The following THSD7B variants were observed in gnomAD, a reference collection of about 807,000 sequenced individuals.
THSD7B encodes the protein thrombospondin type-1 domain-containing protein 7B.
THSD7B carries 138 observed loss-of-function variants against 213.6 expected under a neutral mutation model. The observed-to-expected ratio is 0.65, with a 90% CI of 0.56 to 0.74. The LOEUF (loss-of-function observed/expected upper bound fraction) is 0.74. THSD7B is among the 30% of genes least tolerant of loss of function. The pLI, the probability that THSD7B is intolerant of heterozygous loss-of-function variation, is 0.00. For synonymous variants in THSD7B, 742 were observed against 687.0 expected (o/e 1.08, Z -1.25); for missense variants, 1,931 against 1,991.5 (o/e 0.97, Z 0.58).
chr2:137,108,701 T>G (rs1688297206), intron 4 of THSD7B, among the ~76,000 whole-genome samples: 1 of 152,228 alleles, frequency 6.6e-6, no homozygotes, highest in Non-Finnish European at 1.5e-5. Flanking sequence ...CTTTTGAGAA[T>G]GATAACATAT....
chr2:137,666,695 A>G (rs1003976548), intron 26 of THSD7B, among the ~76,000 whole-genome samples: 8 of 152,102 alleles, frequency 5.3e-5, no homozygotes, highest in African/African-American at 1.9e-4. Context: ...TGTCAGTCCA[A>G]TTCTAAGTTT....
In THSD7B at chr2:137,337,014, G is replaced by A. The variant is rs181059320; in HGVS notation, c.2500+60988G>A. 2.6e-4 allele frequency among the ~76,000 whole-genome samples: 40 copies of A among 151,610 alleles called. No homozygotes were observed. In the East Asian group the frequency reaches 7.6e-3, roughly 29 times the overall value. ...GATTCCTTGTATGCCACCTTTCCCTGTTGTTAACATCTTATGTGAGAATAA... is the reference window on the plus strand; with the variant it reads ...GATTCCTTGTATGCCACCTTTCCCTATTGTTAACATCTTATGTGAGAATAA... On this transcript the variant is annotated intron_variant, in intron 12 of 27. Coordinates refer to ENST00000409968, the MANE Select transcript of THSD7B (RefSeq NM_001316349.2).
Position 137,663,451 on chromosome 2 carries a change from C to T in THSD7B, c.4527C>T (p.Cys1509=), listed in dbSNP as rs1683390068. Residue 1509 remains cysteine, a synonymous_variant, in exon 26 of 28, where the codon TGC becomes TGT. Coordinates refer to ENST00000409968, the MANE Select transcript of THSD7B (RefSeq NM_001316349.2). ...IMKSNGFLDY[C]MKVPGSEDKK... ...AATCAAATGGTTTCCTGGATTACTG[C>T]ATGAAAGTACCAGGCTCAGAGGATA... is the stretch of plus-strand genomic sequence containing the variant. 6.3e-7 allele frequency: 1 copy of T among 1,596,176 alleles called. No homozygotes were observed. The highest frequency in any genetic ancestry group is 8.5e-7 in the Non-Finnish European group (1 of 1,170,264).
rs144331697 is a variant in THSD7B at position 137,392,662 on chromosome 2, G to A, written c.2501-12951G>A. On this transcript the variant is annotated intron_variant, in intron 12 of 27. Coordinates refer to ENST00000409968, the MANE Select transcript of THSD7B (RefSeq NM_001316349.2). ...TAGAGAGAAAGTTAGTTTTTTATAA[G>A]CAATATATGGTTGGATCATCTTTTC... Among the ~76,000 whole-genome samples the A allele has an allele frequency of 9.3e-3, 1,418 of 151,974 alleles. 20 individuals are homozygous for A. Among genetic ancestry groups the A allele is most frequent in the African/African-American group, 0.033 (1,348 of 41,462 alleles).
intron 15 of THSD7B, among the ~76,000 whole-genome samples, chr2:137,545,011 G>C (rs1287655075): frequency 6.6e-6 from 1 of 151,698 alleles, no homozygotes; most frequent in Non-Finnish European, 1.5e-5. Context: ...GGATGAGAAA[G>C]CATACAACTT....
intron 2 of THSD7B, among the ~76,000 whole-genome samples, chr2:136,950,330 C>T (rs1685014867): frequency 1.3e-5 from 2 of 152,014 alleles, no homozygotes; most frequent in African/African-American, 4.8e-5. Context: ...TGAACACACC[C>T]TAGATGACAG....
chr2:136,947,616 GCCCCTGGTCACGT>G (rs922354822), intron 2 of THSD7B, among the ~76,000 whole-genome samples: 61 of 152,246 alleles, frequency 4.0e-4, no homozygotes, highest in African/African-American at 1.3e-3. Flanking sequence ...CCTCTGTCTT[GCCCCTGGTCACGT>G]CCCTGCAAAA....
intron 2 of THSD7B, among the ~76,000 whole-genome samples, chr2:136,972,854 G>A (rs1685425661): frequency 6.6e-6 from 1 of 151,986 alleles, no homozygotes. Context: ...GGGGGTGTGG[G>A]GGCAACTACA....
intron 7 of THSD7B, among the ~76,000 whole-genome samples, chr2:137,178,490 T>C (rs1257416918): frequency 6.6e-6 from 1 of 152,234 alleles, no homozygotes; most frequent in Non-Finnish European, 1.5e-5. Context: ...CTGTTCACGC[T>C]ACAGGAATCA....
chr2:137,599,283 T>C (rs887189658), intron 17 of THSD7B, among the ~76,000 whole-genome samples: 1 of 152,018 alleles, frequency 6.6e-6, no homozygotes, highest in Non-Finnish European at 1.5e-5. Context: ...CAGTCTATCA[T>C]TGTTGGACAT....
intron 15 of THSD7B, among the ~76,000 whole-genome samples, chr2:137,521,183 C>A (rs1680177244): frequency 6.6e-6 from 1 of 152,144 alleles, no homozygotes; most frequent in African/African-American, 2.4e-5. Context: ...GATTTGAGCA[C>A]TCTGTCCCCA....
chr2:137,473,864 C>T (rs1688142475), intron 15 of THSD7B, among the ~76,000 whole-genome samples: 1 of 152,184 alleles, frequency 6.6e-6, no homozygotes, highest in Admixed American at 6.5e-5. Flanking sequence ...TTCTACAAAT[C>T]ACACTTTGAA....
intron 25 of THSD7B, among the ~76,000 whole-genome samples, chr2:137,660,183 G>A (rs1683316510): frequency 6.6e-6 from 1 of 150,922 alleles, no homozygotes; most frequent in Admixed American, 6.6e-5. Context: ...TGTGACTATG[G>A]TTGAAAAAAA....
In THSD7B at chr2:136,949,201, A is replaced by G. The variant is rs563667062; in HGVS notation, c.139+66884A>G. ...ACTCCACCTTTTATTGTATCCTGCA[A>G]TTGTGCTTCCTTGCTTCTTTGGAAA... On this transcript the variant is annotated intron_variant, in intron 2 of 27. Coordinates refer to ENST00000409968, the MANE Select transcript of THSD7B (RefSeq NM_001316349.2). Among the ~76,000 whole-genome samples the G allele has an allele frequency of 1.1e-4, 17 of 152,302 alleles. No individual in the cohort carries two copies. The East Asian group carries it at 1.9e-3, about 17-fold the overall frequency.
At chr2:137,271,458 ATATAATATAAT>A (rs1682737413) in intron 10 of THSD7B, among the ~76,000 whole-genome samples, 2 of 144,694 alleles carry the variant, frequency 1.4e-5, no homozygotes, top group African/African-American at 5.1e-5. Context: ...ATAATATAAT[ATATAATATAAT>A]ATATAATATA....
chr2:137,629,762 T>G (rs115141656), intron 20 of THSD7B, among the ~76,000 whole-genome samples: 1,868 of 152,276 alleles, frequency 0.012, 50 homozygotes, highest in African/African-American at 0.041. Context: ...CATATAAGTA[T>G]GGCATCAGTT....
chr2:136,809,782 A>G (rs1682347036), intron 1 of THSD7B, among the ~76,000 whole-genome samples: 1 of 152,164 alleles, frequency 6.6e-6, no homozygotes, highest in African/African-American at 2.4e-5. Flanking sequence ...CTTGGTGCCT[A>G]CTGCTGCAGT....
At chr2:136,827,946 G>T (rs546181300) in intron 1 of THSD7B, among the ~76,000 whole-genome samples, 1 of 151,444 alleles carries the variant, frequency 6.6e-6, no homozygotes, top group Non-Finnish European at 1.5e-5. Context: ...GATTTGAAGA[G>T]TGTGTGTGTG....
chr2:136,783,799 C>G (rs1681789659), intron 1 of THSD7B, among the ~76,000 whole-genome samples: 1 of 152,172 alleles, frequency 6.6e-6, no homozygotes, highest in Admixed American at 6.5e-5. Context: ...AGGCAAATGA[C>G]TGGTGAGGAC....
Sources: allele counts gnomAD v4.1 joint callset (sites outside exome capture counted in the v4.1 genomes callset), GRCh38; gene constraint gnomAD v4.1.1; transcripts MANE v1.5; gene names NCBI Gene and HGNC (gene_info 2026-07-23, HGNC 2026-07-21).